Variants in NTRK2 observed in about 807,000 individuals in gnomAD.
The protein encoded by NTRK2 is BDNF/NT-3 growth factors receptor.
Under a neutral mutation model 94.5 loss-of-function variants are expected in NTRK2, and 13 were observed. The observed-to-expected ratio is 0.14, with a 90% CI of 0.09 to 0.22. The LOEUF (loss-of-function observed/expected upper bound fraction) is 0.22. Among genes scored for constraint, NTRK2 ranks in the 10% least tolerant of loss-of-function variants. The pLI, the probability that NTRK2 is intolerant of heterozygous loss-of-function variation, is 1.00. For synonymous variants in NTRK2, 372 were observed against 407.4 expected, an observed-to-expected ratio of 0.91 and a Z score of 1.05; for missense variants, 639 against 1,071.2, an observed-to-expected ratio of 0.60 and a Z score of 5.63.
intron 2 of NTRK2, among the ~76,000 whole-genome samples, chr9:84,673,976 T>G (rs2058867556): frequency 6.6e-6 from 1 of 152,178 alleles, no homozygotes; most frequent in African/African-American, 2.4e-5. Flanking sequence ...AATTCAAGAG[T>G]GAAGCCTGTT....
intron 2 of NTRK2, among the ~76,000 whole-genome samples, chr9:84,687,433 G>A (rs1336023337): frequency 6.6e-6 from 1 of 152,058 alleles, no homozygotes; most frequent in Non-Finnish European, 1.5e-5. Context: ...TTTTCCCCTG[G>A]ATTTTCCTCT....
At chr9:84,999,952 G>A (rs77834461) in intron 17 of NTRK2, among the ~76,000 whole-genome samples, 2,352 of 152,302 alleles carry the variant, frequency 0.015, 27 homozygotes, top group Middle Eastern at 0.027. Flanking sequence ...AAAGCACAGC[G>A]AGGAGAGGAC....
chr9:85,007,458 TCA>T (rs997203075), intron 17 of NTRK2, among the ~76,000 whole-genome samples: 4 of 152,138 alleles, frequency 2.6e-5, no homozygotes, highest in African/African-American at 9.7e-5. Flanking sequence ...CAATGGGAAG[TCA>T]CTGAAGAGTT....
chr9:84,804,970 C>G (rs2133448087), intron 12 of NTRK2, among the ~76,000 whole-genome samples: 1 of 152,230 alleles, frequency 6.6e-6, no homozygotes, highest in East Asian at 1.9e-4. Context: ...ATTCTTCTTT[C>G]TTTTTCTCTA....
At chr9:84,909,990 TAGGA>T (rs1363282434) in intron 14 of NTRK2, among the ~76,000 whole-genome samples, 19 of 152,332 alleles carry the variant, frequency 1.2e-4, no homozygotes, top group African/African-American at 4.3e-4. Flanking sequence ...TTGTCAAGTC[TAGGA>T]ATACTGTGCT....
rs886792077 is a variant in NTRK2, at chr9:84,727,764, G to A, written c.964G>A (p.Ala322Thr). 6.2e-7 allele frequency: 1 copy of A among 1,614,168 alleles called. No homozygotes were observed. Among genetic ancestry groups the A allele is most frequent in the Non-Finnish European group, 8.5e-7 (1 of 1,180,032 alleles). Residue 322 changes from alanine (A) to threonine (T), a missense_variant, in exon 9 of 19, where the codon GCA becomes ACA. This residue lies in a region of NTRK2 where 343 missense variants were observed against 571.5 expected (regional missense o/e 0.60). Transcript: ENST00000277120. ...AGCGCTTCAGTGGTTCTATAACGGG[G>A]CAATATTGAATGAGTCCAAATACAT... is the stretch of plus-strand genomic sequence containing the variant. ...KPALQWFYNGAILNESKYICT... is the reference protein window; with the variant it reads ...KPALQWFYNGTILNESKYICT...
At chr9:84,734,914 AG>A (rs2063146536) in intron 9 of NTRK2, among the ~76,000 whole-genome samples, 2 of 152,174 alleles carry the variant, frequency 1.3e-5, no homozygotes, top group Non-Finnish European at 2.9e-5. Context: ...AGGGTGGGTC[AG>A]TCTTAGATCT....
intron 17 of NTRK2, among the ~76,000 whole-genome samples, chr9:84,967,964 T>G (rs1429853850): frequency 6.6e-6 from 1 of 152,150 alleles, no homozygotes; most frequent in Non-Finnish European, 1.5e-5. Flanking sequence ...AATTTCTTTC[T>G]GGAAAACTCA....
At chr9:84,964,932 A>G (rs1239689438) in intron 17 of NTRK2, among the ~76,000 whole-genome samples, 1 of 152,244 alleles carries the variant, frequency 6.6e-6, no homozygotes, top group East Asian at 1.9e-4. Flanking sequence ...TCGCTTTAAG[A>G]CAGTTACTTC....
intron 17 of NTRK2, among the ~76,000 whole-genome samples, chr9:84,984,977 G>C (rs914538983): frequency 6.6e-6 from 1 of 152,158 alleles, no homozygotes; most frequent in African/African-American, 2.4e-5. Flanking sequence ...TATTATTATA[G>C]ACTATGAGTG....
intron 6 of NTRK2, among the ~76,000 whole-genome samples, chr9:84,723,209 C>T (rs759398667): frequency 1.3e-5 from 2 of 152,276 alleles, no homozygotes; most frequent in African/African-American, 2.4e-5. Flanking sequence ...AAATAAAAGA[C>T]ATGATGTCAG....
chr9:84,749,599 C>A (rs2064405143), intron 11 of NTRK2, among the ~76,000 whole-genome samples: 1 of 152,106 alleles, frequency 6.6e-6, no homozygotes, highest in Non-Finnish European at 1.5e-5. Context: ...GTTTTTTCAT[C>A]ATCATCATCA....
intron 14 of NTRK2, among the ~76,000 whole-genome samples, chr9:84,889,393 A>G (rs1564435867): frequency 6.6e-6 from 1 of 152,176 alleles, no homozygotes; most frequent in East Asian, 1.9e-4. Flanking sequence ...ACTCAAAAAT[A>G]CTTTTGTATT....
intron 15 of NTRK2, among the ~76,000 whole-genome samples, chr9:84,941,820 T>C (rs1587999181): frequency 1.3e-5 from 2 of 152,362 alleles, no homozygotes; most frequent in East Asian, 3.9e-4. Flanking sequence ...ATTTCTAATA[T>C]GCAACTTGAT....
intron 12 of NTRK2, among the ~76,000 whole-genome samples, chr9:84,849,969 T>C (rs1006435135): frequency 5.9e-5 from 9 of 152,218 alleles, no homozygotes; most frequent in Non-Finnish European, 1.0e-4. Context: ...AAGACACTTT[T>C]CTTTTTCCCA....
At chr9:84,788,085 C>G (rs1477515863) in intron 12 of NTRK2, among the ~76,000 whole-genome samples, 1 of 152,142 alleles carries the variant, frequency 6.6e-6, no homozygotes, top group African/African-American at 2.4e-5. Context: ...TGCCATGTAT[C>G]AGGTATTACT....
At chr9:84,970,718 A>C (rs1440033815) in intron 17 of NTRK2, among the ~76,000 whole-genome samples, 1 of 152,194 alleles carries the variant, frequency 6.6e-6, no homozygotes. Flanking sequence ...AATATACTTC[A>C]TGTCCAAGGC....
At chr9:84,710,318 A>G (rs887631018) in intron 5 of NTRK2, among the ~76,000 whole-genome samples, 1 of 152,022 alleles carries the variant, frequency 6.6e-6, no homozygotes, top group African/African-American at 2.4e-5. Context: ...ACCATGATAA[A>G]TTTGTCATGG....
Position 84,898,474 on chromosome 9 carries a change from T to C in NTRK2, c.1633+31043T>C, listed in dbSNP as rs191568438. Among the ~76,000 whole-genome samples the C allele has an allele frequency of 9.9e-5, 15 of 151,274 alleles. No homozygotes were observed. The East Asian group carries it at 2.9e-3, about 29-fold the overall frequency. ...TTGAAGAAAGAGGGTTATCTAGTGTTTTCAGTTTCTTTCTTTCTTTCTTTC... is the reference window on the plus strand; with the variant it reads ...TTGAAGAAAGAGGGTTATCTAGTGTCTTCAGTTTCTTTCTTTCTTTCTTTC... On this transcript the variant is annotated intron_variant, in intron 14 of 18. Coordinates refer to ENST00000277120, the MANE Select transcript of NTRK2 (RefSeq NM_006180.6).
Sources: allele counts gnomAD v4.1 joint callset (sites outside exome capture counted in the v4.1 genomes callset), GRCh38; gene constraint gnomAD v4.1.1; regional missense constraint gnomAD v4.1.1; transcripts MANE v1.5; gene names NCBI Gene and HGNC (gene_info 2026-07-23, HGNC 2026-07-21).